Variants in SMYD2 observed in about 807,000 individuals in gnomAD.
SMYD2 encodes SET and MYND domain containing 2.
SMYD2 carries 53 observed loss-of-function variants against 59.1 expected under a neutral mutation model. The observed-to-expected ratio is 0.90, with a 90% CI of 0.72 to 1.13. SMYD2 has a LOEUF of 1.13. Ranked by LOEUF, SMYD2 falls within the 50% of genes most tolerant of loss-of-function variation. SMYD2 has a pLI of 0.00. For missense variants in SMYD2, 494 were observed against 544.7 expected (o/e 0.91, Z 0.93); for synonymous variants, 208 against 198.8 (o/e 1.05, Z -0.39).
rs190879133 is a variant in SMYD2, at chr1:214,312,798, G to C, written c.238-1964G>C. ...TGTGGCCTCCTAGGTCACCTTTAGCGCTTGGCCTTTTGCCTGGATGAGAAA... is the reference window on the plus strand; with the variant it reads ...TGTGGCCTCCTAGGTCACCTTTAGCCCTTGGCCTTTTGCCTGGATGAGAAA... On this transcript the variant is annotated intron_variant, in intron 2 of 11. Transcript: ENST00000366957. The surrounding 1 kb of genome is among the most constrained non-coding windows in gnomAD (Gnocchi z 4.1). Among the ~76,000 whole-genome samples the C allele has an allele frequency of 6.6e-6, 1 of 152,180 alleles. No individual in the cohort carries two copies. Among genetic ancestry groups the C allele is most frequent in the African/African-American group, 2.4e-5 (1 of 41,446 alleles).
chr1:214,328,512 G>A (rs6660335), intron 7 of SMYD2, among the ~76,000 whole-genome samples: 44,184 of 152,114 alleles, frequency 0.29, 6,755 homozygotes, highest in Non-Finnish European at 0.34. Context: ...ATGGATTGCT[G>A]TAGTATGCTC....
intron 5 of SMYD2, among the ~76,000 whole-genome samples, chr1:214,323,032 C>T (rs1657198562): frequency 6.6e-6 from 1 of 152,172 alleles, no homozygotes; most frequent in Non-Finnish European, 1.5e-5. Context: ...ACAGAGACTT[C>T]ATAGCAGCGT....
chr1:214,299,040 A>G lies in SMYD2; in HGVS notation c.174-6147A>G, dbSNP rs990678812. 9.7e-4 allele frequency among the ~76,000 whole-genome samples: 147 copies of G among 152,174 alleles called. 2 individuals are homozygous for G. The highest frequency in any genetic ancestry group is 1.5e-4 in the Non-Finnish European group (10 of 67,996). On this transcript the variant is annotated intron_variant, in intron 1 of 11. Coordinates refer to ENST00000366957, the MANE Select transcript of SMYD2 (RefSeq NM_020197.3). ...GTAGTGTGTCCCTGTGGTCCCAGCT[A>G]CTTGGGAGGCTGAGGTGAGAGGATT... is the stretch of plus-strand genomic sequence containing the variant.
At position 214,336,854 on chromosome 1, in the gene SMYD2, AT is replaced by A; in HGVS notation, c.*72del. 1 of 1,329,588 alleles carries A rather than the reference AT, an allele frequency of 7.5e-7. No homozygotes were observed. The highest frequency in any genetic ancestry group is 1.1e-6 in the Non-Finnish European group (1 of 944,970). The allele number at this position is 1,329,588 out of a possible 1,614,324, so 82.4% of individuals were successfully genotyped here. A position where few individuals can be genotyped will look rare whatever the true frequency, so the allele number is the denominator to read the frequency against. ...ACCTTAAAGGATTTGAATATTTCAA[AT>A]TGCACACGTCACTCCAGCATCTCTG... On this transcript the variant is annotated 3_prime_UTR_variant, in exon 12 of 12. Transcript: ENST00000366957.
At chr1:214,336,206 G>A (rs906225075) in intron 11 of SMYD2, among the ~76,000 whole-genome samples, 1 of 152,076 alleles carries the variant, frequency 6.6e-6, no homozygotes, top group Non-Finnish European at 1.5e-5. Context: ...GACACTGGAT[G>A]AGTTAGCTAC....
chr1:214,296,113 A>C (rs930924565), intron 1 of SMYD2, among the ~76,000 whole-genome samples: 1 of 152,238 alleles, frequency 6.6e-6, no homozygotes, highest in Non-Finnish European at 1.5e-5. Context: ...AAACCCACTA[A>C]GCATTCATTT....
intron 1 of SMYD2, among the ~76,000 whole-genome samples, chr1:214,289,533 A>G (rs1381819303): frequency 2.6e-5 from 4 of 152,130 alleles, no homozygotes; most frequent in African/African-American, 4.8e-5. Context: ...GCATGCTTTT[A>G]TCTGGTATAT....
chr1:214,330,275 C>G lies in SMYD2; in HGVS notation c.813C>G (p.Asp271Glu). The part of the protein sequence containing the change: ...TCECQECTTK[D>E]KDKAKVEIRK... ...AGTGCCAGGAGTGTACCACCAAGGA[C>G]AAGGTAAGGTTGTTCATTGGGCAAG... The change falls in exon 8 of 12, where the codon GAC becomes GAG. Residue 271 changes from aspartate (D) to glutamate (E), a missense_variant. Asp to Glu is a conservative substitution (Grantham distance 45). Transcript: ENST00000366957. 1 of 1,606,600 alleles carries G rather than the reference C, an allele frequency of 6.2e-7. No individual in the cohort carries two copies. Among genetic ancestry groups the G allele is most frequent in the South Asian group, 1.1e-5 (1 of 90,402 alleles).
At chr1:214,319,693 G>A (rs955520649) in intron 5 of SMYD2, among the ~76,000 whole-genome samples, 1 of 151,842 alleles carries the variant, frequency 6.6e-6, no homozygotes, top group Non-Finnish European at 1.5e-5. Context: ...TCCTGTTATC[G>A]TGAGGGTGGC....
At chr1:214,284,545 G>A (rs1265616897) in intron 1 of SMYD2, among the ~76,000 whole-genome samples, 2 of 146,446 alleles carry the variant, frequency 1.4e-5, no homozygotes, top group African/African-American at 2.5e-5. Flanking sequence ...CAAGTATGTT[G>A]TATTTTAAAC....
chr1:214,310,206 G>A (rs138771753), intron 2 of SMYD2, among the ~76,000 whole-genome samples: 1,559 of 152,276 alleles, frequency 0.01, 23 homozygotes, highest in African/African-American at 0.035. Flanking sequence ...AGACAATTTC[G>A]CAACTCTTTA....
chr1:214,335,179 A>G (rs917654548), intron 11 of SMYD2, among the ~76,000 whole-genome samples: 1 of 152,220 alleles, frequency 6.6e-6, no homozygotes, highest in Non-Finnish European at 1.5e-5. Flanking sequence ...CTAATCTTTC[A>G]CCTTCTCCAA....
chr1:214,317,205 T>G (rs1404334252), intron 3 of SMYD2, among the ~76,000 whole-genome samples: 1 of 152,134 alleles, frequency 6.6e-6, no homozygotes, highest in Non-Finnish European at 1.5e-5. Context: ...AAAGATGAGT[T>G]TATACAAGCT....
chr1:214,308,663 C>T (rs1203637816), intron 2 of SMYD2, among the ~76,000 whole-genome samples: 1 of 152,136 alleles, frequency 6.6e-6, no homozygotes, highest in Non-Finnish European at 1.5e-5. Flanking sequence ...GTAGGCCCTA[C>T]CCCCCTGGAG....
At chr1:214,317,278 C>T (rs895339730) in intron 3 of SMYD2, among the ~76,000 whole-genome samples, 1 of 151,988 alleles carries the variant, frequency 6.6e-6, no homozygotes, top group Non-Finnish European at 1.5e-5. Context: ...AGTTACCTGC[C>T]CATCTTTTCA....
chr1:214,331,702 G>A (rs758518833), intron 9 of SMYD2: 17 of 252,916 alleles, frequency 6.7e-5, no homozygotes, highest in Non-Finnish European at 1.3e-4. Context: ...AGTGGGAGTC[G>A]TGCTCAGGGT....
At chr1:214,334,159 G>C (rs755341299) in intron 10 of SMYD2, 41 bp from the exon 11 acceptor site, 1 of 1,584,602 alleles carries the variant, frequency 6.3e-7, no homozygotes, top group Non-Finnish European at 8.7e-7. Context: ...CGGCTCAGTA[G>C]CCGCTGACAT....
chr1:214,307,128 G>A (rs911803402), intron 2 of SMYD2, among the ~76,000 whole-genome samples: 10 of 152,230 alleles, frequency 6.6e-5, no homozygotes, highest in African/African-American at 9.6e-5. Context: ...AGCCGAGATC[G>A]TGCCTTTGCA....
At position 214,334,087 on chromosome 1, in the gene SMYD2, T is replaced by G; in HGVS notation, c.1113-113T>G. 4 of 864,378 alleles carry G rather than the reference T, an allele frequency of 4.6e-6. No homozygotes were observed. In the South Asian group the frequency reaches 6.3e-5, roughly 14 times the overall value. The allele number at this position is 864,378 out of a possible 1,614,324, so 53.5% of individuals were successfully genotyped here. A position where few individuals can be genotyped will look rare whatever the true frequency, so the allele number is the denominator to read the frequency against. ...CCCTGGTGGGATTTGGAGAGGCCGC[T>G]GGTGGGCAGAGGTTGGCCCTAAGCA... On this transcript the variant is annotated intron_variant, in intron 10 of 11. Coordinates refer to ENST00000366957, the MANE Select transcript of SMYD2 (RefSeq NM_020197.3).
Sources: allele counts gnomAD v4.1 joint callset (sites outside exome capture counted in the v4.1 genomes callset), GRCh38; gene constraint gnomAD v4.1.1; non-coding constraint Gnocchi (gnomAD v3.1); transcripts MANE v1.5; gene names NCBI Gene and HGNC (gene_info 2026-07-23, HGNC 2026-07-21).